EHMT1: variants seen among roughly 807,000 people sequenced by gnomAD.
EHMT1 encodes the protein euchromatic histone lysine methyltransferase 1.
A neutral mutation model predicts 147.2 loss-of-function variants in EHMT1; 15 were observed. That is an observed-to-expected ratio of 0.10 (90% confidence interval 0.07 to 0.16). The LOEUF is 0.16. Among genes scored for constraint, EHMT1 ranks in the 10% least tolerant of loss-of-function variants. The probability of loss-of-function intolerance (pLI) is 1.00; values close to 1 mark genes in which losing one functional copy is unlikely to be tolerated. For missense variants in EHMT1, 1,587 were observed against 1,772.4 expected (o/e 0.90, Z 1.88); for synonymous variants, 795 against 709.6 (o/e 1.12, Z -1.91).
chr9:137,807,901 A>G (rs190053126), intron 18 of EHMT1, among the ~76,000 whole-genome samples: 2 of 152,236 alleles, frequency 1.3e-5, no homozygotes, highest in East Asian at 3.9e-4. Context: ...ATTGTGGGTC[A>G]TGTTTCCTGT....
chr9:137,641,397 T>A (rs914636165), intron 1 of EHMT1: 14 of 530,672 alleles, frequency 2.6e-5, no homozygotes, highest in African/African-American at 2.5e-4. Context: ...GTAACCTGAT[T>A]TAATATCTTC....
chr9:137,787,674 G>T lies in EHMT1; in HGVS notation c.2383-3174G>T. 1.6e-6 allele frequency: 1 copy of T among 642,670 alleles called. No individual in the cohort carries two copies. The highest frequency in any genetic ancestry group is 2.7e-6 in the Non-Finnish European group (1 of 364,180). 39.8% of individuals were successfully genotyped at this position (642,670 alleles called of 1,614,324 possible). On this transcript the variant is annotated intron_variant, in intron 15 of 26. Coordinates refer to ENST00000460843, the MANE Select transcript of EHMT1 (RefSeq NM_024757.5). This position sits in a 1 kb window ranked among gnomAD's most constrained non-coding sequence, Gnocchi z 4.2. ...GCCTGTCTTAAGAGCCTCACAGGCT[G>T]CACCGGGAGAGCAGCCCGCCTGGGC...
At chr9:137,669,519 A>T (rs1490410703) in intron 1 of EHMT1, among the ~76,000 whole-genome samples, 4 of 123,164 alleles carry the variant, frequency 3.2e-5, no homozygotes, top group Admixed American at 9.7e-5. Context: ...CCCGCACAGC[A>T]CGTGCACTCG....
chr9:137,664,949 C>T (rs77982106), intron 1 of EHMT1: 2,360 of 152,256 alleles, frequency 0.016, 49 homozygotes, highest in African/African-American at 0.042. Context: ...TTTGTTGGTG[C>T]GTCTCCTCCC....
In EHMT1 at chr9:137,643,637, C is replaced by T. The variant is rs184882745; in HGVS notation, c.21+24588C>T. On this transcript the variant is annotated intron_variant, in intron 1 of 26. Coordinates refer to ENST00000460843, the MANE Select transcript of EHMT1 (RefSeq NM_024757.5). ...TGCTGGGATTACAGGCGTGAGCCACCGCGCCCGGCCGTATAAAGGTTTTTT... is the reference window on the plus strand; with the variant it reads ...TGCTGGGATTACAGGCGTGAGCCACTGCGCCCGGCCGTATAAAGGTTTTTT... 3.6e-4 allele frequency among the ~76,000 whole-genome samples: 55 copies of T among 152,158 alleles called. No individual in the cohort carries two copies. The East Asian group carries it at 9.5e-3, about 26-fold the overall frequency.
At chr9:137,811,840 T>C (rs1229900920) in intron 19 of EHMT1, among the ~76,000 whole-genome samples, 1 of 152,182 alleles carries the variant, frequency 6.6e-6, no homozygotes, top group African/African-American at 2.4e-5. Context: ...AGGATTGTCA[T>C]GAAAAAATTC....
intron 1 of EHMT1, among the ~76,000 whole-genome samples, chr9:137,626,714 CTTGT>C (rs1843282950): frequency 6.6e-6 from 1 of 151,334 alleles, no homozygotes; most frequent in South Asian, 2.1e-4. Flanking sequence ...GTGCTGGGGG[CTTGT>C]TTATTTGTTG....
In EHMT1 at chr9:137,834,454, C is replaced by T. The variant is rs569375203; in HGVS notation, c.3646C>T (p.His1216Tyr). Residue 1216 changes from histidine to tyrosine, a missense_variant, in exon 26 of 27, where the codon CAC becomes TAC. By Grantham distance (83) the His-to-Tyr change is moderately conservative. This residue lies in a region of EHMT1 where 141 missense variants were observed against 150.8 expected (regional missense o/e 0.94). Transcript: ENST00000460843. The part of the protein sequence containing the change: ...NLVPVRVFMA[H>Y]QDLRFPRIAF... The stretch of plus-strand genomic sequence containing the variant: ...GGTGCCCGTGCGCGTGTTCATGGCC[C>T]ACCAGGACCTGCGGTTCCCCCGGAT... 3.1e-6 allele frequency: 5 copies of T among 1,613,164 alleles called. No homozygotes were observed. In the African/African-American group the frequency reaches 5.3e-5, roughly 17 times the overall value.
At chr9:137,649,049 T>A (rs1421925863) in intron 1 of EHMT1, among the ~76,000 whole-genome samples, 1 of 152,242 alleles carries the variant, frequency 6.6e-6, no homozygotes, top group Non-Finnish European at 1.5e-5. Flanking sequence ...CTGGGGAAAC[T>A]GGGCATCAGT....
rs992801911 is a variant in EHMT1, at chr9:137,732,337, T to C, written c.823+3808T>C. Among the ~76,000 whole-genome samples the C allele has an allele frequency of 6.6e-6, 1 of 152,232 alleles. No individual in the cohort carries two copies. The highest frequency in any genetic ancestry group is 6.5e-5 in the Admixed American group (1 of 15,286). ...CGGCCAGGAACATGTTACAGCCCTT[T>C]TTGCACCCGCTGTTGCGTGGGTCCC... is the stretch of plus-strand genomic sequence containing the variant. On this transcript the variant is annotated intron_variant, in intron 4 of 26. Transcript: ENST00000460843. This position sits in a 1 kb window ranked among gnomAD's most constrained non-coding sequence, Gnocchi z 4.6.
intron 26 of EHMT1, 30 bp downstream of exon 26, chr9:137,834,554 C>T: frequency 6.2e-7 from 1 of 1,607,912 alleles, no homozygotes; most frequent in South Asian, 1.1e-5. Context: ...CTGGCCATCT[C>T]CGCTGCCGGC....
In EHMT1 at chr9:137,786,337, C is replaced by T. The variant is rs7858355; in HGVS notation, c.2382+3940C>T. On this transcript the variant is annotated intron_variant, in intron 15 of 26. Coordinates refer to ENST00000460843, the MANE Select transcript of EHMT1 (RefSeq NM_024757.5). The surrounding 1 kb of genome is among the most constrained non-coding windows in gnomAD (Gnocchi z 4.3). ...AGAGGGATTTCTATTTTTTCTTCCCCTTAGAATCTAAGCGGTTTTCCTGAG... is the reference window on the plus strand; with the variant it reads ...AGAGGGATTTCTATTTTTTCTTCCCTTTAGAATCTAAGCGGTTTTCCTGAG... 36,996 of 152,126 alleles carry T rather than the reference C, an allele frequency of 0.24. 5,221 individuals are homozygous for T. The highest frequency in any genetic ancestry group is 0.38 in the Admixed American group (5,764 of 15,288). 9.4% of individuals were successfully genotyped at this position (152,126 alleles called of 1,614,324 possible).
chr9:137,773,796 T>G, intron 10 of EHMT1, among the ~76,000 whole-genome samples: 1 of 152,200 alleles, frequency 6.6e-6, no homozygotes, highest in Non-Finnish European at 1.5e-5. Flanking sequence ...TGAATTTCTT[T>G]GTGTAATTTC....
intron 1 of EHMT1, among the ~76,000 whole-genome samples, chr9:137,671,072 T>C (rs1236068566): frequency 6.6e-6 from 1 of 152,228 alleles, no homozygotes; most frequent in African/African-American, 2.4e-5. Context: ...GTCAGAACTC[T>C]GAACCCTTCC....
chr9:137,796,147 C>T (rs769231932), intron 16 of EHMT1, among the ~76,000 whole-genome samples: 16 of 152,206 alleles, frequency 1.1e-4, no homozygotes, highest in East Asian at 1.9e-4. Flanking sequence ...TGGAGAAGCG[C>T]GCTTGCACGT....
chr9:137,725,684 A>G (rs1321746484), intron 3 of EHMT1, among the ~76,000 whole-genome samples: 1 of 152,196 alleles, frequency 6.6e-6, no homozygotes, highest in Non-Finnish European at 1.5e-5. Flanking sequence ...TGCAAGGACC[A>G]CATGGCAGCA....
intron 1 of EHMT1, among the ~76,000 whole-genome samples, chr9:137,701,677 G>A (rs1943844633): frequency 6.7e-6 from 1 of 149,224 alleles, no homozygotes; most frequent in African/African-American, 2.5e-5. Flanking sequence ...GCCCAGGCTG[G>A]AGTGCAATGG....
chr9:137,809,372 C>A (rs527335078), intron 18 of EHMT1, among the ~76,000 whole-genome samples: 1 of 152,298 alleles, frequency 6.6e-6, no homozygotes, highest in South Asian at 2.1e-4. Context: ...TGGGGGTGAC[C>A]CTGCCTACCT....
rs577213879 is a variant in EHMT1, at chr9:137,763,208, C to T, written c.1647+388C>T. On this transcript the variant is annotated intron_variant, in intron 10 of 26. Coordinates refer to ENST00000460843, the MANE Select transcript of EHMT1 (RefSeq NM_024757.5). ...CTGTGGTTTCCTGCAGGGCAGGCCC[C>T]GCAAGGGCCGGGCCTCGGCCACCTC... 3.9e-5 allele frequency: 16 copies of T among 408,312 alleles called. No homozygotes were observed. In the East Asian group the frequency reaches 5.8e-4, roughly 15 times the overall value. 25.3% of individuals were successfully genotyped at this position (408,312 alleles called of 1,614,324 possible).
Sources: allele counts gnomAD v4.1 joint callset (sites outside exome capture counted in the v4.1 genomes callset), GRCh38; gene constraint gnomAD v4.1.1; regional missense constraint gnomAD v4.1.1; non-coding constraint Gnocchi (gnomAD v3.1); transcripts MANE v1.5; gene names NCBI Gene and HGNC (gene_info 2026-07-23, HGNC 2026-07-21).